The following HLCS variants were observed in gnomAD, a reference collection of about 807,000 sequenced individuals.
HLCS encodes biotin--protein ligase.
HLCS carries 53 observed loss-of-function variants against 75.0 expected under a neutral mutation model. The ratio of observed to expected loss-of-function variants is 0.71; its 90% CI spans 0.57 to 0.89. The LOEUF is 0.89. Among genes scored for constraint, HLCS ranks in the 40% least tolerant of loss-of-function variants. The probability of loss-of-function intolerance (pLI) is 0.00; values close to 1 mark genes in which losing one functional copy is unlikely to be tolerated. For synonymous variants in HLCS, 431 were observed against 428.6 expected, an observed-to-expected ratio of 1.01 and a Z score of -0.07; for missense variants, 966 against 1,074.0, an observed-to-expected ratio of 0.90 and a Z score of 1.41.
chr21:36,939,064 C>T lies in HLCS; in HGVS notation c.331-70G>A. On this transcript the variant is annotated intron_variant, in intron 2 of 10. Transcript: ENST00000674895. ...AGATTTTTCTTCTCTAAAATAACCA[C>T]ATACTTTATTTTTCCCTTGAGGCTC... 4 of 1,409,662 alleles carry T rather than the reference C, an allele frequency of 2.8e-6. No individual in the cohort carries two copies. The South Asian group carries it at 5.1e-5, about 18-fold the overall frequency. The allele number at this position is 1,409,662 out of a possible 1,614,324, so 87.3% of individuals were successfully genotyped here. A position where few individuals can be genotyped will look rare whatever the true frequency, so the allele number is the denominator to read the frequency against.
intron 6 of HLCS, among the ~76,000 whole-genome samples, chr21:36,891,537 C>G (rs1015413583): frequency 6.6e-6 from 1 of 152,174 alleles, no homozygotes; most frequent in African/African-American, 2.4e-5. Context: ...GGCAAAGACA[C>G]AGGTCTCACA....
In HLCS at chr21:36,767,210, T is replaced by C. The variant is rs2145776793; in HGVS notation, c.1960+8A>G. The C allele has an allele frequency of 6.2e-7, 1 of 1,613,912 alleles. No individual in the cohort carries two copies. Among genetic ancestry groups the C allele is most frequent in the Non-Finnish European group, 8.5e-7 (1 of 1,179,770 alleles). ...AAGTAACAGCAATGATCACAAAAGA[T>C]GACTGACCTTTGCCCTCGGTCTGCC... On this transcript the variant is annotated splice_region_variant and intron_variant, in intron 7 of 10. Coordinates refer to ENST00000674895, the MANE Select transcript of HLCS (RefSeq NM_001352514.2).
At chr21:36,784,605 C>T (rs184443755) in intron 6 of HLCS, among the ~76,000 whole-genome samples, 1 of 152,242 alleles carries the variant, frequency 6.6e-6, no homozygotes, top group Non-Finnish European at 1.5e-5. Flanking sequence ...CGTGAGCCAC[C>T]ATGCCCGGCC....
At chr21:36,775,056 G>A (rs953725093) in intron 6 of HLCS, among the ~76,000 whole-genome samples, 7 of 152,166 alleles carry the variant, frequency 4.6e-5, no homozygotes, top group Non-Finnish European at 7.3e-5. Context: ...CACGGGAATC[G>A]GGACTGTTCA....
rs763530346 is a variant in HLCS, at chr21:36,756,583, G to A, written c.2409C>T (p.Pro803=). The change falls in exon 10 of 11, where the codon CCC becomes CCT. Residue 803 remains proline (P), a synonymous_variant. Transcript: ENST00000674895. The part of the protein sequence containing the change: ...KLIKEFQDKG[P]NSVLPLYYRY... ...GGTAATAAAGGGGAAGGACGCTGTT[G>A]GGCCCTTTGTCCTGAAACTCTTTGA... The A allele has an allele frequency of 1.2e-6, 2 of 1,613,814 alleles. No individual in the cohort carries two copies. The highest frequency in any genetic ancestry group is 1.7e-6 in the Non-Finnish European group (2 of 1,179,916).
intron 6 of HLCS, among the ~76,000 whole-genome samples, chr21:36,835,209 T>C (rs930441657): frequency 1.3e-5 from 2 of 152,212 alleles, no homozygotes; most frequent in African/African-American, 4.8e-5. Context: ...ACTGATGGTT[T>C]AGTCTTTCCT....
rs774158239 is a variant in HLCS at position 36,896,977 on chromosome 21, G to A, written c.1775C>T (p.Ala592Val). Residue 592 changes from alanine (A) to valine (V), a missense_variant, in exon 6 of 11, where the codon GCC (alanine) becomes GTC (valine). Physicochemically the swap from Ala to Val is moderately conservative, Grantham distance 64. Transcript: ENST00000674895. ...TAAGTTGAAATGTTCTGATGAGAAGGCCTCCATGTTGGTCACCACAGGTAT... is the reference window on the plus strand; with the variant it reads ...TAAGTTGAAATGTTCTGATGAGAAGACCTCCATGTTGGTCACCACAGGTAT... The part of the protein sequence containing the change: ...SCIPVVTNME[A>V]FSSEHFNLEI... 5 of 1,614,004 alleles carry A rather than the reference G, an allele frequency of 3.1e-6. No homozygotes were observed. The African/African-American group carries it at 6.7e-5, about 22-fold the overall frequency.
intron 6 of HLCS, among the ~76,000 whole-genome samples, chr21:36,810,104 T>C (rs2061469868): frequency 6.6e-6 from 1 of 152,244 alleles, no homozygotes; most frequent in Non-Finnish European, 1.5e-5. Flanking sequence ...CTGCTTCCCC[T>C]TGGGGTTGAA....
At chr21:36,785,062 C>T (rs2060645775) in intron 6 of HLCS, among the ~76,000 whole-genome samples, 1 of 152,128 alleles carries the variant, frequency 6.6e-6, no homozygotes, top group Non-Finnish European at 1.5e-5. Flanking sequence ...GTACCGTCGC[C>T]TTCGGGGTAA....
intron 6 of HLCS, among the ~76,000 whole-genome samples, chr21:36,878,557 A>G (rs955181783): frequency 6.6e-6 from 1 of 152,342 alleles, no homozygotes; most frequent in East Asian, 1.9e-4. Flanking sequence ...ATCACAGCTC[A>G]TTAATAAAGG....
intron 6 of HLCS, among the ~76,000 whole-genome samples, chr21:36,862,945 C>CTT (rs779603490): frequency 0.19 from 26,230 of 139,856 alleles, 2,597 homozygotes; most frequent in South Asian, 0.27. Context: ...CTCTTTCTCT[C>CTT]TTTTTTTTTT....
rs145337682 is a variant in HLCS, at chr21:36,754,320, C to T, written c.2548G>A (p.Glu850Lys). Residue 850 changes from glutamate to lysine, a missense_variant, in exon 11 of 11, where the codon GAG becomes AAG. By Grantham distance (56) the Glu-to-Lys change is moderately conservative. Coordinates refer to ENST00000674895, the MANE Select transcript of HLCS (RefSeq NM_001352514.2). Reference sequence around the variant, plus strand: ...CCGTCCGGGTGCACAGTCACAACCTCGCCGCCCTCCTGGTGAACCTGGAGG... The same window carrying T: ...CCGTCCGGGTGCACAGTCACAACCTTGCCGCCCTCCTGGTGAACCTGGAGG... ...GFLQVHQEGG[E>K]VVTVHPDGNS... is the part of the protein sequence containing the mutation. 25 of 1,613,890 alleles carry T rather than the reference C, an allele frequency of 1.5e-5. No individual in the cohort carries two copies. Among genetic ancestry groups the T allele is most frequent in the African/African-American group, 5.3e-5 (4 of 74,902 alleles).
At chr21:36,849,475 G>T (rs377763201) in intron 6 of HLCS, among the ~76,000 whole-genome samples, 1 of 152,218 alleles carries the variant, frequency 6.6e-6, no homozygotes, top group African/African-American at 2.4e-5. Flanking sequence ...CTCCTTCTGC[G>T]GGTAGAAAAG....
At chr21:36,776,370 T>C (rs1301737632) in intron 6 of HLCS, among the ~76,000 whole-genome samples, 1 of 152,118 alleles carries the variant, frequency 6.6e-6, no homozygotes, top group Non-Finnish European at 1.5e-5. Context: ...TACCTGATTA[T>C]AGTACAATCA....
At chr21:36,836,328 ATACTTT>A (rs1176270745) in intron 6 of HLCS, among the ~76,000 whole-genome samples, 1 of 151,950 alleles carries the variant, frequency 6.6e-6, no homozygotes, top group Non-Finnish European at 1.5e-5. Context: ...TTTTTTTATT[ATACTTT>A]AAGTTTTAGG....
At chr21:36,949,422 G>A (rs1171400864) in intron 2 of HLCS, among the ~76,000 whole-genome samples, 1 of 151,886 alleles carries the variant, frequency 6.6e-6, no homozygotes, top group Non-Finnish European at 1.5e-5. Context: ...TCGCCACAGG[G>A]CAGCTTGAGC....
chr21:36,833,167 C>T (rs2062273133), intron 6 of HLCS, among the ~76,000 whole-genome samples: 1 of 151,820 alleles, frequency 6.6e-6, no homozygotes, highest in African/African-American at 2.4e-5. Context: ...ACTACAGGCA[C>T]ATGCCACCAT....
At chr21:36,839,701 T>C (rs2146089580) in intron 6 of HLCS, among the ~76,000 whole-genome samples, 2 of 146,812 alleles carry the variant, frequency 1.4e-5, no homozygotes, top group Admixed American at 1.3e-4. Context: ...ATGGTCCAGC[T>C]CACTGGCAAT....
intron 5 of HLCS, among the ~76,000 whole-genome samples, chr21:36,907,756 A>G (rs975538620): frequency 8.5e-5 from 13 of 152,204 alleles, no homozygotes; most frequent in African/African-American, 3.1e-4. Context: ...CAGACAAAGG[A>G]CTTGTATCCG....
Sources: allele counts gnomAD v4.1 joint callset (sites outside exome capture counted in the v4.1 genomes callset), GRCh38; gene constraint gnomAD v4.1.1; transcripts MANE v1.5; gene names NCBI Gene and HGNC (gene_info 2026-07-23, HGNC 2026-07-21).